Variants in RASAL2 observed in about 807,000 individuals in gnomAD.
RASAL2 encodes ras GTPase-activating protein nGAP.
In RASAL2, 58 loss-of-function variants were observed where a neutral mutation model predicts 128.9. The ratio of observed to expected loss-of-function variants is 0.45; its 90% CI spans 0.36 to 0.56. The LOEUF is 0.56. Ranked by LOEUF, RASAL2 falls within the 20% of genes least tolerant of loss-of-function variation. The pLI, the probability that RASAL2 is intolerant of heterozygous loss-of-function variation, is 0.00. For missense variants in RASAL2, 1,360 were observed against 1,601.6 expected, an observed-to-expected ratio of 0.85 and a Z score of 2.57; for synonymous variants, 561 against 580.8, an observed-to-expected ratio of 0.97 and a Z score of 0.49.
At chr1:178,381,387 C>T (rs1426425801) in intron 3 of RASAL2, among the ~76,000 whole-genome samples, 3 of 152,088 alleles carry the variant, frequency 2.0e-5, no homozygotes, top group Non-Finnish European at 4.4e-5. Context: ...ATGAAGCCAA[C>T]AGCCATTTCG....
At chr1:178,152,245 C>T (rs1477145489) in intron 1 of RASAL2, among the ~76,000 whole-genome samples, 1 of 152,110 alleles carries the variant, frequency 6.6e-6, no homozygotes, top group Non-Finnish European at 1.5e-5. Context: ...CTGGATTGAA[C>T]ACGTGGAGGT....
At chr1:178,219,666 A>G (rs1175966307) in intron 1 of RASAL2, among the ~76,000 whole-genome samples, 3 of 151,724 alleles carry the variant, frequency 2.0e-5, no homozygotes, top group Admixed American at 6.6e-5. Flanking sequence ...GAAAGAAAGA[A>G]AAATAATTTT....
chr1:178,453,699 ATAAAT>A (rs1232692044), intron 11 of RASAL2, among the ~76,000 whole-genome samples: 2 of 152,110 alleles, frequency 1.3e-5, no homozygotes, highest in Non-Finnish European at 2.9e-5. Context: ...TTTATAGAAA[ATAAAT>A]TTAAGAAATG....
chr1:178,125,248 A>C (rs1659853965), intron 1 of RASAL2: 1 of 152,148 alleles, frequency 6.6e-6, no homozygotes, highest in Non-Finnish European at 1.5e-5. Context: ...GGGGAAATTG[A>C]ATTATCTGAC....
chr1:178,210,793 A>T (rs1287619641), intron 1 of RASAL2, among the ~76,000 whole-genome samples: 1 of 152,208 alleles, frequency 6.6e-6, no homozygotes, highest in Non-Finnish European at 1.5e-5. Flanking sequence ...TGGGCTTAGG[A>T]TAATGCATTT....
chr1:178,441,638 A>G lies in RASAL2; in HGVS notation c.918A>G (p.Gln306=), dbSNP rs1423398053. Reference sequence around the variant, plus strand: ...TGGAAAACCTTCGCAGGACAGTTCAACCTAATAAGGTAATAGTAGCTTCAA... The same window carrying G: ...TGGAAAACCTTCGCAGGACAGTTCAGCCTAATAAGGTAATAGTAGCTTCAA... ...KWMENLRRTV[Q]PNKDNCRRAE... The change falls in exon 7 of 18, where the codon CAA becomes CAG. Residue 306 remains glutamine (Q), a synonymous_variant. Transcript: ENST00000367649. The G allele has an allele frequency of 6.2e-7, 1 of 1,610,572 alleles. No homozygotes were observed. Among genetic ancestry groups the G allele is most frequent in the Non-Finnish European group, 8.5e-7 (1 of 1,177,384 alleles).
chr1:178,221,848 A>G (rs918951523), intron 1 of RASAL2, among the ~76,000 whole-genome samples: 5 of 152,180 alleles, frequency 3.3e-5, no homozygotes, highest in Non-Finnish European at 5.9e-5. Context: ...ATTTCTGATA[A>G]GAGGGCTGTT....
At chr1:178,470,569 T>G in intron 17 of RASAL2, 1 of 666,100 alleles carries the variant, frequency 1.5e-6, no homozygotes, top group Non-Finnish European at 2.4e-6. Flanking sequence ...GAGGAGACAC[T>G]GTGGCTCCCA....
chr1:178,162,446 TA>T lies in RASAL2; in HGVS notation c.202+67753del, dbSNP rs1309189439. Among the ~76,000 whole-genome samples the T allele has an allele frequency of 7.2e-4, 88 of 121,648 alleles. 1 individual carries two copies. Among genetic ancestry groups the T allele is most frequent in the African/African-American group, 2.6e-3 (82 of 31,204 alleles). The allele number at this position is 121,648 out of a possible 152,430, so 79.8% of individuals were successfully genotyped here. A position where few individuals can be genotyped will look rare whatever the true frequency, so the allele number is the denominator to read the frequency against. On this transcript the variant is annotated intron_variant, in intron 1 of 17. Coordinates refer to ENST00000367649, the MANE Select transcript of RASAL2 (RefSeq NM_170692.4). ...TATTATATATATTTTATATATAATA[TA>T]TATAATATTAAATATATTTTATATA...
intron 1 of RASAL2, among the ~76,000 whole-genome samples, chr1:178,111,774 G>A (rs940279604): frequency 6.6e-6 from 1 of 152,140 alleles, no homozygotes; most frequent in African/African-American, 2.4e-5. Flanking sequence ...TTGTCACCCA[G>A]GTTGTAGTGC....
chr1:178,124,334 G>A (rs1659817887), intron 1 of RASAL2, among the ~76,000 whole-genome samples: 2 of 152,098 alleles, frequency 1.3e-5, no homozygotes. Context: ...GGAGTAGGGG[G>A]GTGGGGAGCC....
intron 3 of RASAL2, among the ~76,000 whole-genome samples, chr1:178,389,568 A>C (rs538271012): frequency 7.2e-5 from 11 of 152,210 alleles, no homozygotes; most frequent in Non-Finnish European, 1.6e-4. Context: ...TTATATCTGC[A>C]TAGGCATATA....
intron 1 of RASAL2, among the ~76,000 whole-genome samples, chr1:178,218,737 G>A (rs968015887): frequency 6.6e-6 from 1 of 152,202 alleles, no homozygotes; most frequent in Non-Finnish European, 1.5e-5. Flanking sequence ...TGTCATCCAG[G>A]CTTTGTTATT....
intron 1 of RASAL2, among the ~76,000 whole-genome samples, chr1:178,098,120 A>C (rs1558051866): frequency 6.6e-6 from 1 of 152,218 alleles, no homozygotes; most frequent in Non-Finnish European, 1.5e-5. Flanking sequence ...TGTCAAGACT[A>C]TAAAATTTTT....
intron 1 of RASAL2, among the ~76,000 whole-genome samples, chr1:178,130,251 A>G (rs1414209126): frequency 6.6e-6 from 1 of 152,182 alleles, no homozygotes; most frequent in Non-Finnish European, 1.5e-5. Flanking sequence ...ATTTTAACAC[A>G]AGGAGATGTA....
intron 3 of RASAL2, chr1:178,341,394 G>A: frequency 7.3e-7 from 1 of 1,371,318 alleles, no homozygotes; most frequent in Non-Finnish European, 9.4e-7. Context: ...GAATGGGATT[G>A]GGGGCGGGGT....
At chr1:178,228,257 A>G (rs909848660) in intron 1 of RASAL2, among the ~76,000 whole-genome samples, 2 of 151,956 alleles carry the variant, frequency 1.3e-5, no homozygotes, top group Non-Finnish European at 2.9e-5. Flanking sequence ...CCATCTCCAT[A>G]TTTCTGAATT....
chr1:178,467,161 G>A (rs1351759543), intron 16 of RASAL2, among the ~76,000 whole-genome samples, 173 bp from the exon 17 acceptor site: 2 of 152,134 alleles, frequency 1.3e-5, no homozygotes, highest in Non-Finnish European at 2.9e-5. Flanking sequence ...TGGGATCCAG[G>A]CACAAGGAGA....
At chr1:178,119,999 A>G (rs1414361274) in intron 1 of RASAL2, among the ~76,000 whole-genome samples, 2 of 152,224 alleles carry the variant, frequency 1.3e-5, no homozygotes, top group African/African-American at 4.8e-5. Context: ...GCCGTTAGCT[A>G]CTAAGAATGA....
Sources: gnomAD v4.1 joint callset for allele counts (sites outside exome capture counted in the v4.1 genomes callset) on GRCh38, gnomAD v4.1.1 for gene constraint, MANE v1.5 for transcripts, NCBI Gene and HGNC (gene_info 2026-07-23, HGNC 2026-07-21) for gene names.